Variants in MAP2 observed in about 807,000 individuals in gnomAD.
The protein encoded by MAP2 is microtubule associated protein 2, also known as microtubule-associated protein 2.
MAP2 carries 14 observed loss-of-function variants against 137.6 expected under a neutral mutation model. The observed-to-expected ratio is 0.10, with a 90% CI of 0.07 to 0.16. MAP2 has a LOEUF of 0.16. Ranked by LOEUF, MAP2 falls within the 10% of genes least tolerant of loss-of-function variation. The pLI, the probability that MAP2 is intolerant of heterozygous loss-of-function variation, is 1.00. For missense variants in MAP2, 2,088 were observed against 2,191.5 expected (o/e 0.95, Z 0.94); for synonymous variants, 786 against 782.3 (o/e 1.00, Z -0.08).
intron 5 of MAP2, among the ~76,000 whole-genome samples, chr2:209,658,787 G>C (rs559632005): frequency 6.6e-6 from 1 of 152,058 alleles, no homozygotes; most frequent in Admixed American, 6.6e-5. Context: ...GATTACAGGC[G>C]TGAGCCACTG....
At chr2:209,690,612 C>T (rs1419776337) in intron 7 of MAP2, 3 of 1,284,988 alleles carry the variant, frequency 2.3e-6, no homozygotes, top group African/African-American at 1.5e-5. Context: ...GAAGAAGAAA[C>T]GCTAGAGAGT....
chr2:209,532,955 C>T (rs571819779), intron 2 of MAP2, among the ~76,000 whole-genome samples: 1 of 152,184 alleles, frequency 6.6e-6, no homozygotes, highest in African/African-American at 2.4e-5. Context: ...CTCCCTGCTC[C>T]CCTGACAGAA....
At chr2:209,646,176 A>G (rs1239030666) in intron 4 of MAP2, among the ~76,000 whole-genome samples, 1 of 152,216 alleles carries the variant, frequency 6.6e-6, no homozygotes, top group African/African-American at 2.4e-5. Flanking sequence ...AGCCTGGGCA[A>G]CAGAGTAAGA....
intron 1 of MAP2, among the ~76,000 whole-genome samples, chr2:209,461,419 C>A (rs1348925110): frequency 6.6e-6 from 1 of 152,048 alleles, no homozygotes; most frequent in Non-Finnish European, 1.5e-5. Flanking sequence ...CATAGCATGG[C>A]TTTAAATAAT....
Position 209,727,832 on chromosome 2 carries a change from G to A in MAP2, c.5156-2018G>A, listed in dbSNP as rs561278165. Among the ~76,000 whole-genome samples, 9 of 152,274 alleles carry A rather than the reference G, an allele frequency of 5.9e-5. No individual in the cohort carries two copies. The South Asian group carries it at 1.9e-3, about 32-fold the overall frequency. On this transcript the variant is annotated intron_variant, in intron 14 of 15. Coordinates refer to ENST00000682079, the MANE Select transcript of MAP2 (RefSeq NM_001375505.1). ...AAGATATCTGGATTCTCTAACAGTT[G>A]CATAAGAATTTCTAGAGGGACTTCA...
At chr2:209,664,703 A>G (rs2045429788) in intron 5 of MAP2, among the ~76,000 whole-genome samples, 1 of 152,118 alleles carries the variant, frequency 6.6e-6, no homozygotes, top group Non-Finnish European at 1.5e-5. Flanking sequence ...TCATGCCTCT[A>G]TCCCAGCACT....
At position 209,693,042 on chromosome 2, in the gene MAP2, C is replaced by T; in HGVS notation, c.872C>T (p.Pro291Leu). ...CCCATATCTCCTGGCCCTCTGACTCCCATGAGGGAAAAAGATGTATTTGAT... is the reference window on the plus strand; with the variant it reads ...CCCATATCTCCTGGCCCTCTGACTCTCATGAGGGAAAAAGATGTATTTGAT... Reference protein sequence around the residue: ...VAPISPGPLTPMREKDVFDDI... With the variant: ...VAPISPGPLTLMREKDVFDDI... Residue 291 changes from proline (P) to leucine (L), a missense_variant, in exon 8 of 16, where the codon CCC (proline) becomes CTC (leucine). Transcript: ENST00000682079. The T allele has an allele frequency of 6.2e-7, 1 of 1,612,444 alleles. No homozygotes were observed. The highest frequency in any genetic ancestry group is 8.5e-7 in the Non-Finnish European group (1 of 1,179,492).
At chr2:209,712,770 T>C (rs1047841986) in intron 13 of MAP2, among the ~76,000 whole-genome samples, 1 of 152,104 alleles carries the variant, frequency 6.6e-6, no homozygotes, top group Admixed American at 6.6e-5. Flanking sequence ...AAACTGAAGA[T>C]CTTATAGAAC....
chr2:209,467,594 T>C (rs1486282765), intron 1 of MAP2, among the ~76,000 whole-genome samples: 1 of 152,202 alleles, frequency 6.6e-6, no homozygotes, highest in East Asian at 1.9e-4. Flanking sequence ...ACCATTTTGA[T>C]TCTGTTCTAC....
At chr2:209,433,918 T>C (rs1695007485) in intron 1 of MAP2, among the ~76,000 whole-genome samples, 1 of 152,194 alleles carries the variant, frequency 6.6e-6, no homozygotes, top group Non-Finnish European at 1.5e-5. Flanking sequence ...AATTCCATTC[T>C]CAATATGAAT....
intron 13 of MAP2, among the ~76,000 whole-genome samples, chr2:209,724,260 T>C (rs1215018759): frequency 6.6e-6 from 1 of 152,170 alleles, no homozygotes; most frequent in African/African-American, 2.4e-5. Flanking sequence ...ATGGGATTTT[T>C]TTTCCTGTCT....
chr2:209,703,756 C>G (rs1383276828), intron 11 of MAP2, among the ~76,000 whole-genome samples: 2 of 152,056 alleles, frequency 1.3e-5, no homozygotes, highest in African/African-American at 4.8e-5. Context: ...CAATATTACT[C>G]TTTCTTCTGT....
At chr2:209,446,203 A>G (rs16842899) in intron 1 of MAP2, among the ~76,000 whole-genome samples, 20,663 of 151,740 alleles carry the variant, frequency 0.14, 3,468 homozygotes, top group African/African-American at 0.4. Flanking sequence ...AGTAAACCTC[A>G]AACACATACA....
At chr2:209,441,183 G>A (rs1697670841) in intron 1 of MAP2, among the ~76,000 whole-genome samples, 1 of 151,422 alleles carries the variant, frequency 6.6e-6, no homozygotes, top group African/African-American at 2.4e-5. Context: ...ATTCTTTGTA[G>A]ATTATATTCA....
chr2:209,484,876 T>G (rs2058179719), intron 1 of MAP2, among the ~76,000 whole-genome samples: 1 of 152,196 alleles, frequency 6.6e-6, no homozygotes, highest in African/African-American at 2.4e-5. Flanking sequence ...TTGTCAACTA[T>G]TAGCCATAGT....
At chr2:209,689,408 T>A (rs2058172850) in intron 7 of MAP2, among the ~76,000 whole-genome samples, 1 of 152,118 alleles carries the variant, frequency 6.6e-6, no homozygotes, top group South Asian at 2.1e-4. Flanking sequence ...CAGGGCCGTT[T>A]AAACAATGCA....
rs115568006 is a variant in MAP2, at chr2:209,514,294, T to C, written c.-172+6653T>C. Among the ~76,000 whole-genome samples the C allele has an allele frequency of 6.5e-3, 985 of 152,244 alleles. 13 individuals carry two copies. The highest frequency in any genetic ancestry group is 0.023 in the African/African-American group (937 of 41,560). ...TTTCCCAAATTAAACCTAATAATTA[T>C]TGCAGCTTCAAATGTCTTTGGGGTG... On this transcript the variant is annotated intron_variant, in intron 2 of 15. Transcript: ENST00000682079.
intron 5 of MAP2, among the ~76,000 whole-genome samples, chr2:209,668,212 T>C (rs569665292): frequency 1.8e-4 from 27 of 152,182 alleles, no homozygotes; most frequent in Non-Finnish European, 2.9e-4. Flanking sequence ...ATAGGTATAA[T>C]AGAGATGGAA....
chr2:209,720,654 A>C (rs1404886098), intron 13 of MAP2, among the ~76,000 whole-genome samples: 2 of 151,816 alleles, frequency 1.3e-5, no homozygotes, highest in Non-Finnish European at 2.9e-5. Flanking sequence ...AAAAAAAAAA[A>C]AAAAAAACTT....
Sources: allele counts gnomAD v4.1 joint callset (sites outside exome capture counted in the v4.1 genomes callset), GRCh38; gene constraint gnomAD v4.1.1; transcripts MANE v1.5; gene names NCBI Gene and HGNC (gene_info 2026-07-23, HGNC 2026-07-21).